STEAP4: variants seen among roughly 807,000 people sequenced by gnomAD.
STEAP4 encodes metalloreductase STEAP4.
In STEAP4, 36 loss-of-function variants were observed where a neutral mutation model predicts 43.6. The ratio of observed to expected loss-of-function variants is 0.83; its 90% CI spans 0.63 to 1.09. The LOEUF is 1.09. STEAP4 is among the 50% of genes least tolerant of loss of function. The probability of loss-of-function intolerance (pLI) is 0.00; values close to 1 mark genes in which losing one functional copy is unlikely to be tolerated. For synonymous variants in STEAP4, 191 were observed against 196.7 expected (o/e 0.97, Z 0.24); for missense variants, 495 against 546.5 (o/e 0.91, Z 0.94).
intron 3 of STEAP4, 94 bp from the exon 4 acceptor site, chr7:88,281,173 T>C (rs1430892930): frequency 4.1e-6 from 4 of 964,568 alleles, no homozygotes; most frequent in Non-Finnish European, 5.7e-6. Flanking sequence ...AATTATTTGC[T>C]CAAAGCAAAT....
intron 1 of STEAP4, chr7:88,292,664 T>C (rs1852854207): frequency 1.3e-5 from 2 of 152,162 alleles, no homozygotes; most frequent in African/African-American, 2.4e-5. Context: ...ATCACTTCAA[T>C]CAGGTTAGAG....
At position 88,273,220 on chromosome 7, in the gene STEAP4, G is replaced by A. The variant is rs1204433721; in HGVS notation, c.*6178C>T. On this transcript the variant is annotated 3_prime_UTR_variant, in exon 5 of 5. Coordinates refer to ENST00000380079, the MANE Select transcript of STEAP4 (RefSeq NM_024636.4). The stretch of plus-strand genomic sequence containing the variant: ...AACACTAAAACTTATTTATTTTGCT[G>A]TAATGAAATGAGAACAGGAAGTCTG... 1 of 152,136 alleles carries A rather than the reference G, an allele frequency of 6.6e-6. No individual in the cohort carries two copies. Among genetic ancestry groups the A allele is most frequent in the Non-Finnish European group, 1.5e-5 (1 of 68,018 alleles). 9.4% of individuals were successfully genotyped at this position (152,136 alleles called of 1,614,324 possible). A position where few individuals can be genotyped will look rare whatever the true frequency, so the allele number is the denominator to read the frequency against.
rs142350909 is a variant in STEAP4, at chr7:88,278,592, T to C, written c.*806A>G. The C allele has an allele frequency of 7.5e-4, 115 of 152,380 alleles. No homozygotes were observed. Among genetic ancestry groups the C allele is most frequent in the African/African-American group, 2.7e-3 (113 of 41,594 alleles). 9.4% of individuals were successfully genotyped at this position (152,380 alleles called of 1,614,324 possible). A position where few individuals can be genotyped will look rare whatever the true frequency, so the allele number is the denominator to read the frequency against. On this transcript the variant is annotated 3_prime_UTR_variant, in exon 5 of 5. Coordinates refer to ENST00000380079, the MANE Select transcript of STEAP4 (RefSeq NM_024636.4). ...TAGCTTGCTGTCTAAAATTCTGGTT[T>C]CTTTGAACTTTTTGATCAAGAACTT... is the stretch of plus-strand genomic sequence containing the variant.
chr7:88,271,267 G>A lies in STEAP4; in HGVS notation c.*8131C>T, dbSNP rs1225583393. ...ACTCATGTAATTTAAAAACCAAAAT[G>A]ATATGAAAAGGTCTACAGTGCTTCT... On this transcript the variant is annotated 3_prime_UTR_variant, in exon 5 of 5. Transcript: ENST00000380079. 2 of 152,072 alleles carry A rather than the reference G, an allele frequency of 1.3e-5. No homozygotes were observed. The highest frequency in any genetic ancestry group is 1.3e-4 in the Admixed American group (2 of 15,260). 9.4% of individuals were successfully genotyped at this position (152,072 alleles called of 1,614,324 possible).
intron 1 of STEAP4, among the ~76,000 whole-genome samples, chr7:88,305,585 C>T (rs1853115901): frequency 6.6e-6 from 1 of 152,164 alleles, no homozygotes; most frequent in Non-Finnish European, 1.5e-5. Flanking sequence ...AGAGTATTCT[C>T]TGAATGATAA....
At chr7:88,292,756 T>C (rs1378013007) in intron 1 of STEAP4, 1 of 152,170 alleles carries the variant, frequency 6.6e-6, no homozygotes, top group African/African-American at 2.4e-5. Context: ...TCACTACAAT[T>C]TGGTCATTTT....
Position 88,306,373 on chromosome 7 carries a change from T to C in STEAP4, c.-3+419A>G, listed in dbSNP as rs1204437591. 4.6e-5 allele frequency among the ~76,000 whole-genome samples: 7 copies of C among 152,282 alleles called. No individual in the cohort carries two copies. The East Asian group carries it at 9.6e-4, about 21-fold the overall frequency. On this transcript the variant is annotated intron_variant, in intron 1 of 4. Transcript: ENST00000380079. ...TTAAATCAAGATAAAAAAATGGAAG[T>C]GGTTGCAGGTATCAGGACAAATTTT...
intron 1 of STEAP4, among the ~76,000 whole-genome samples, chr7:88,290,658 T>C (rs1000023687): frequency 2.0e-5 from 3 of 152,186 alleles, no homozygotes; most frequent in Non-Finnish European, 4.4e-5. Flanking sequence ...CTGAAACTCA[T>C]TGTGCAACCC....
intron 1 of STEAP4, among the ~76,000 whole-genome samples, chr7:88,287,841 C>T (rs1254333590): frequency 6.6e-6 from 1 of 152,190 alleles, no homozygotes; most frequent in Non-Finnish European, 1.5e-5. Context: ...TCTGTTAGTC[C>T]TACAAAGGCA....
chr7:88,286,256 T>C (rs1019150781), intron 1 of STEAP4, among the ~76,000 whole-genome samples: 1 of 152,206 alleles, frequency 6.6e-6, no homozygotes, highest in Non-Finnish European at 1.5e-5. Flanking sequence ...TGATAACATA[T>C]ACTGAGGCAT....
chr7:88,281,100 T>A (rs1430673144), intron 3 of STEAP4, 21 bp from the exon 4 acceptor site: 5 of 1,519,582 alleles, frequency 3.3e-6, no homozygotes, highest in Non-Finnish European at 4.4e-6. Flanking sequence ...TTATAAGCAA[T>A]TACAAAACTA....
rs1254217165 is a variant in STEAP4, at chr7:88,277,917, C to A, written c.*1481G>T. On this transcript the variant is annotated 3_prime_UTR_variant, in exon 5 of 5. Transcript: ENST00000380079. ...AAACAAAGCCTTTAGAAAAACAAAG[C>A]CTTTGAAAAAGGATGTAAAATTGAA... 3 of 151,330 alleles carry A rather than the reference C, an allele frequency of 2.0e-5. No individual in the cohort carries two copies. Among genetic ancestry groups the A allele is most frequent in the Non-Finnish European group, 4.4e-5 (3 of 67,826 alleles). The allele number at this position is 151,330 out of a possible 1,614,324, so 9.4% of individuals were successfully genotyped here.
chr7:88,295,587 G>A (rs1295540964), intron 1 of STEAP4, among the ~76,000 whole-genome samples: 1 of 152,088 alleles, frequency 6.6e-6, no homozygotes, highest in East Asian at 1.9e-4. Context: ...TTCACTTAAT[G>A]GCCTGCTACT....
intron 1 of STEAP4, among the ~76,000 whole-genome samples, chr7:88,288,894 A>G (rs969423171): frequency 1.1e-4 from 16 of 152,254 alleles, no homozygotes; most frequent in Non-Finnish European, 2.9e-5. Flanking sequence ...GAATTTAAAT[A>G]AAAAACAAAC....
chr7:88,290,295 T>G (rs1009029036), intron 1 of STEAP4: 1 of 152,188 alleles, frequency 6.6e-6, no homozygotes, highest in Non-Finnish European at 1.5e-5. Context: ...TTACCAGCAA[T>G]GTCACCTTGA....
intron 1 of STEAP4, among the ~76,000 whole-genome samples, chr7:88,286,651 T>C (rs1025750629): frequency 3.9e-5 from 6 of 152,126 alleles, no homozygotes; most frequent in South Asian, 2.1e-4. Flanking sequence ...GTGGAGATTG[T>C]AGTGAGCTGA....
chr7:88,302,094 A>G (rs1023771889), intron 1 of STEAP4, among the ~76,000 whole-genome samples: 2 of 152,214 alleles, frequency 1.3e-5, no homozygotes. Context: ...AATGGTAGGA[A>G]GTTAAAATGT....
Position 88,273,161 on chromosome 7 carries a change from TA to T in STEAP4, c.*6236del. 6.6e-6 allele frequency: 1 copy of T among 152,322 alleles called. No individual in the cohort carries two copies. Among genetic ancestry groups the T allele is most frequent in the South Asian group, 2.1e-4 (1 of 4,830 alleles). 9.4% of individuals were successfully genotyped at this position (152,322 alleles called of 1,614,324 possible). On this transcript the variant is annotated 3_prime_UTR_variant, in exon 5 of 5. Coordinates refer to ENST00000380079, the MANE Select transcript of STEAP4 (RefSeq NM_024636.4). ...CTCCTGGCTATTTGAAATTATATGT[TA>T]TTTTTAACTATAGTCATCCTACAGA...
intron 4 of STEAP4, 80 bp downstream of exon 4, chr7:88,280,835 C>G (rs1014786022): frequency 1.4e-6 from 2 of 1,386,486 alleles, no homozygotes; most frequent in African/African-American, 3.0e-5. Context: ...TCAACATTTT[C>G]TAATTTGAAT....
Sources: allele counts gnomAD v4.1 joint callset (sites outside exome capture counted in the v4.1 genomes callset), GRCh38; gene constraint gnomAD v4.1.1; transcripts MANE v1.5; gene names NCBI Gene and HGNC (gene_info 2026-07-23, HGNC 2026-07-21).